Variants in KY observed in about 807,000 individuals in gnomAD.
KY encodes the protein kyphoscoliosis peptidase.
In KY, 43 loss-of-function variants were observed where a neutral mutation model predicts 76.1. The observed-to-expected ratio is 0.57, with a 90% CI of 0.44 to 0.73. The LOEUF is 0.73. Among genes scored for constraint, KY ranks in the 30% least tolerant of loss-of-function variants. The pLI is 0.00. For synonymous variants in KY, 277 were observed against 326.2 expected (o/e 0.85, Z 1.63); for missense variants, 722 against 828.9 (o/e 0.87, Z 1.58).
Position 134,607,676 on chromosome 3 carries a change from T to A in KY, c.1090+973A>T. 3 of 985,756 alleles carry A rather than the reference T, an allele frequency of 3.0e-6. No homozygotes were observed. The South Asian group carries it at 1.4e-4, about 46-fold the overall frequency. The allele number at this position is 985,756 out of a possible 1,614,324, so 61.1% of individuals were successfully genotyped here. A position where few individuals can be genotyped will look rare whatever the true frequency, so the allele number is the denominator to read the frequency against. On this transcript the variant is annotated intron_variant, in intron 10 of 10. Coordinates refer to ENST00000423778, the MANE Select transcript of KY (RefSeq NM_178554.6). ...GCTTTTTTGTGACCAGTTCTGGCCC[T>A]CCAGGGCAGCCCCCGTATGCCTCAG...
rs142189841 is a variant in KY at position 134,601,286 on chromosome 3, T to C, written c.*2293A>G. Reference sequence around the variant, plus strand: ...GGAGGGGCTTGCTGATGCCCTGCGGTGCTTTGAGGGGCGGGGCCTCCCTCT... The same window carrying C: ...GGAGGGGCTTGCTGATGCCCTGCGGCGCTTTGAGGGGCGGGGCCTCCCTCT... On this transcript the variant is annotated 3_prime_UTR_variant, in exon 11 of 11. Coordinates refer to ENST00000423778, the MANE Select transcript of KY (RefSeq NM_178554.6). 3.7e-3 allele frequency among the ~76,000 whole-genome samples: 567 copies of C among 152,218 alleles called. 3 individuals carry two copies. The highest frequency in any genetic ancestry group is 6.2e-3 in the Non-Finnish European group (420 of 68,018).
intron 6 of KY, among the ~76,000 whole-genome samples, chr3:134,624,723 G>C (rs1165923450): frequency 1.3e-5 from 2 of 152,216 alleles, no homozygotes; most frequent in Non-Finnish European, 2.9e-5. Context: ...GGCAGGCATA[G>C]CTTAGGAGCA....
At position 134,650,922 on chromosome 3, in the gene KY, G is replaced by T. The variant is rs368071867; in HGVS notation, c.39C>A (p.Asp13Glu). Reference sequence around the variant, plus strand: ...TCTCCGAGTGCACGATCAGCAGCATGTCGATAGATACAGCGTTGATGTCCT... The same window carrying T: ...TCTCCGAGTGCACGATCAGCAGCATTTCGATAGATACAGCGTTGATGTCCT... ...LKKDINAVSI[D>E]MLLIVHSEKR... The change falls in exon 1 of 11, where the codon GAC becomes GAA. Residue 13 changes from aspartate to glutamate, a missense_variant. Asp to Glu is a conservative substitution (Grantham distance 45). Coordinates refer to ENST00000423778, the MANE Select transcript of KY (RefSeq NM_178554.6). 1.9e-5 allele frequency: 31 copies of T among 1,613,258 alleles called. No individual in the cohort carries two copies. The highest frequency in any genetic ancestry group is 2.5e-5 in the Non-Finnish European group (30 of 1,179,544).
intron 8 of KY, among the ~76,000 whole-genome samples, chr3:134,617,488 G>C (rs1348816680): frequency 6.6e-6 from 1 of 152,148 alleles, no homozygotes; most frequent in Non-Finnish European, 1.5e-5. Context: ...TCGATAGGAT[G>C]TATGACAACA....
In KY at chr3:134,604,419, G is replaced by A. The variant is rs1208481697; in HGVS notation, c.1146C>T (p.Phe382=). The A allele has an allele frequency of 5.6e-6, 9 of 1,613,826 alleles. No homozygotes were observed. In the Admixed American group the frequency reaches 1.2e-4, roughly 21 times the overall value. The part of the protein sequence containing the change: ...IESCAPTLFM[F]MLNGKQEHGL... ...CATGCTCTTGCTTGCCATTGAGCAT[G>A]AACATGAACAGCGTCGGGGCGCAGC... Residue 382 remains phenylalanine, a synonymous_variant, in exon 11 of 11, where the codon TTC becomes TTT. Coordinates refer to ENST00000423778, the MANE Select transcript of KY (RefSeq NM_178554.6).
chr3:134,616,556 A>T (rs940256802), intron 8 of KY, among the ~76,000 whole-genome samples: 6 of 152,206 alleles, frequency 3.9e-5, no homozygotes, highest in African/African-American at 1.4e-4. Context: ...AATTCAGGGG[A>T]CCGTGAGCTA....
At chr3:134,636,224 G>A (rs1046052029) in intron 3 of KY, among the ~76,000 whole-genome samples, 2 of 152,148 alleles carry the variant, frequency 1.3e-5, no homozygotes, top group South Asian at 2.1e-4. Flanking sequence ...ATTTTCTTAT[G>A]AATGATTTTA....
At position 134,650,471 on chromosome 3, in the gene KY, C is replaced by G. The variant is rs945313300; in HGVS notation, c.136+354G>C. On this transcript the variant is annotated intron_variant, in intron 1 of 10. Coordinates refer to ENST00000423778, the MANE Select transcript of KY (RefSeq NM_178554.6). ...GTGGGGGGGAGCAGGCCTCTGCTAC[C>G]CATGAGTCAGCCCTGAGGCTCTGGC... is the stretch of plus-strand genomic sequence containing the variant. Among the ~76,000 whole-genome samples, 3 of 152,166 alleles carry G rather than the reference C, an allele frequency of 2.0e-5. No homozygotes were observed. In the East Asian group the frequency reaches 5.8e-4, roughly 30 times the overall value.
intron 8 of KY, 168 bp from the exon 9 acceptor site, chr3:134,610,551 G>T: frequency 1.6e-6 from 1 of 613,342 alleles, no homozygotes. Flanking sequence ...CTTTTATCTC[G>T]GGGCACTGGG....
intron 1 of KY, among the ~76,000 whole-genome samples, chr3:134,650,350 G>A (rs780838114): frequency 3.9e-5 from 6 of 152,146 alleles, no homozygotes; most frequent in Admixed American, 2.0e-4. Context: ...AGAAACTGAG[G>A]CTGTAAATTG....
chr3:134,616,627 A>G (rs548850297), intron 8 of KY, among the ~76,000 whole-genome samples: 1 of 152,298 alleles, frequency 6.6e-6, no homozygotes, highest in South Asian at 2.1e-4. Flanking sequence ...TGTTGGAACT[A>G]ATTTTAAATG....
chr3:134,619,621 A>C (rs897804756), intron 7 of KY, among the ~76,000 whole-genome samples: 1 of 152,206 alleles, frequency 6.6e-6, no homozygotes, highest in Non-Finnish European at 1.5e-5. Context: ...CTGCAGCCCG[A>C]AGGCCTCATG....
chr3:134,618,978 T>A (rs1050719453), intron 8 of KY, among the ~76,000 whole-genome samples, 170 bp downstream of exon 8: 1 of 152,222 alleles, frequency 6.6e-6, no homozygotes, highest in Non-Finnish European at 1.5e-5. Context: ...AAGTCAATTA[T>A]GCTGGTGTTA....
intron 8 of KY, among the ~76,000 whole-genome samples, chr3:134,616,313 A>C (rs549902754): frequency 6.6e-6 from 1 of 152,330 alleles, no homozygotes; most frequent in Admixed American, 6.5e-5. Context: ...TTACTTTATT[A>C]AATCAGTCTT....
chr3:134,634,552 T>A (rs1327813170), intron 3 of KY, among the ~76,000 whole-genome samples: 1 of 152,180 alleles, frequency 6.6e-6, no homozygotes, highest in Non-Finnish European at 1.5e-5. Flanking sequence ...AATAAGCACA[T>A]GAAAAGATGT....
chr3:134,604,248 G>T lies in KY; in HGVS notation c.1317C>A (p.Asp439Glu). 6.2e-7 allele frequency: 1 copy of T among 1,613,898 alleles called. No individual in the cohort carries two copies. The highest frequency in any genetic ancestry group is 8.5e-7 in the Non-Finnish European group (1 of 1,179,882). The change falls in exon 11 of 11, where the codon GAC becomes GAA. Residue 439 changes from aspartate (D) to glutamate (E), a missense_variant. Asp to Glu is a conservative substitution (Grantham distance 45). Coordinates refer to ENST00000423778, the MANE Select transcript of KY (RefSeq NM_178554.6). ...GCTCAGCAGGCAGCTGGACACCCATGTCCACATAATTGCACTTGAGCGTGT... is the reference window on the plus strand; with the variant it reads ...GCTCAGCAGGCAGCTGGACACCCATTTCCACATAATTGCACTTGAGCGTGT... ...LEYTLKCNYV[D>E]MGVQLPAELH... is the part of the protein sequence containing the mutation.
chr3:134,604,131 C>G lies in KY; in HGVS notation c.1434G>C (p.Gly478=). ...HPDPIIHTSD[G]RCSISFSVEE... is the part of the protein sequence containing the mutation. ...CCACGCTGAAGCTGATGGAGCAGCG[C>G]CCGTCGCTGGTGTGGATGATAGGGT... The change falls in exon 11 of 11, where the codon GGG becomes GGC. Residue 478 remains glycine, a synonymous_variant. Coordinates refer to ENST00000423778, the MANE Select transcript of KY (RefSeq NM_178554.6). 1 of 1,608,268 alleles carries G rather than the reference C, an allele frequency of 6.2e-7. No individual in the cohort carries two copies. The highest frequency in any genetic ancestry group is 1.1e-5 in the South Asian group (1 of 90,278).
intron 8 of KY, among the ~76,000 whole-genome samples, chr3:134,615,641 T>G (rs1483162461): frequency 6.6e-6 from 1 of 152,106 alleles, no homozygotes; most frequent in Middle Eastern, 3.4e-3. Context: ...TCTTTGTGAG[T>G]GCCATCCTTT....
intron 8 of KY, among the ~76,000 whole-genome samples, chr3:134,613,358 T>C (rs1032174833): frequency 1.1e-4 from 16 of 152,030 alleles, no homozygotes; most frequent in African/African-American, 3.4e-4. Flanking sequence ...GGAGGCAAGA[T>C]TGGAAAAACC....
Sources: allele counts gnomAD v4.1 joint callset (sites outside exome capture counted in the v4.1 genomes callset), GRCh38; gene constraint gnomAD v4.1.1; transcripts MANE v1.5; gene names NCBI Gene and HGNC (gene_info 2026-07-23, HGNC 2026-07-21).